Variants in KANK1 observed in about 807,000 individuals in gnomAD.
The protein encoded by KANK1 is KN motif and ankyrin repeat domain-containing protein 1.
KANK1 carries 109 observed loss-of-function variants against 106.2 expected under a neutral mutation model. The ratio of observed to expected loss-of-function variants is 1.03; its 90% CI spans 0.88 to 1.20. The LOEUF is 1.20. Ranked by LOEUF, KANK1 falls within the 50% of genes most tolerant of loss-of-function variation. KANK1 has a pLI of 0.00. For missense variants in KANK1, 2,399 were observed against 1,710.7 expected (o/e 1.40, Z -7.10); for synonymous variants, 873 against 652.2 (o/e 1.34, Z -5.16).
intron 2 of KANK1, chr9:706,773 C>G (rs907641408): frequency 1.0e-6 from 1 of 985,244 alleles, no homozygotes. Context: ...GAGTGCTGCC[C>G]GGATCCTGAG....
intron 1 of KANK1, among the ~76,000 whole-genome samples, chr9:675,578 C>G (rs1816249225): frequency 1.3e-5 from 2 of 151,696 alleles, no homozygotes; most frequent in Admixed American, 1.3e-4. Flanking sequence ...TCTCAGGTAA[C>G]TTTTAAATAG....
intron 1 of KANK1, among the ~76,000 whole-genome samples, chr9:557,730 T>C (rs1457626245): frequency 6.6e-6 from 1 of 152,116 alleles, no homozygotes; most frequent in Non-Finnish European, 1.5e-5. Flanking sequence ...GAAATCTGTT[T>C]TGTAAAAGGA....
chr9:646,508 TTGAAA>T (rs1262209322), intron 1 of KANK1, among the ~76,000 whole-genome samples: 1 of 150,802 alleles, frequency 6.6e-6, no homozygotes, highest in African/African-American at 2.5e-5. Flanking sequence ...TAATTTTCTT[TTGAAA>T]ACTTTCTGAA....
intron 2 of KANK1, among the ~76,000 whole-genome samples, chr9:678,290 ATGCACCATGG>A (rs1214820360): frequency 6.6e-6 from 1 of 152,180 alleles, no homozygotes; most frequent in Admixed American, 6.5e-5. Context: ...GAACACTTAA[ATGCACCATGG>A]TGCCTAAAAT....
At position 732,457 on chromosome 9, in the gene KANK1, G is replaced by T; in HGVS notation, c.3085G>T (p.Glu1029Ter). 6.2e-7 allele frequency: 1 copy of T among 1,614,134 alleles called. No homozygotes were observed. The highest frequency in any genetic ancestry group is 1.1e-5 in the South Asian group (1 of 91,060). ...SESDDECDVIEYPLEEEEEEE... is the reference protein window; with the variant it reads ...SESDDECDVI Reference sequence around the variant, plus strand: ...GTCAGATGACGAGTGTGATGTCATTGAGTATCCTCTTGAAGAAGAGGAGGA... The same window carrying T: ...GTCAGATGACGAGTGTGATGTCATTTAGTATCCTCTTGAAGAAGAGGAGGA... The change falls in exon 6 of 12, where the codon GAG (glutamate) becomes TAG (stop). Residue 1029 changes from glutamate to a stop codon, truncating the protein, a stop_gained. Transcript: ENST00000382297. LOFTEE classifies it high-confidence loss of function.
intron 1 of KANK1, among the ~76,000 whole-genome samples, chr9:543,961 C>T (rs555566129): frequency 7.6e-4 from 116 of 152,154 alleles, no homozygotes; most frequent in Non-Finnish European, 9.3e-4. Context: ...TATTTTCTTA[C>T]GCTATCTTTA....
At chr9:687,366 C>G (rs1563987603) in intron 2 of KANK1, among the ~76,000 whole-genome samples, 1 of 152,202 alleles carries the variant, frequency 6.6e-6, no homozygotes, top group East Asian at 1.9e-4. Context: ...AACATTTTCA[C>G]TTTCACAAAC....
chr9:647,033 T>C (rs1458565177), intron 1 of KANK1, among the ~76,000 whole-genome samples: 1 of 151,026 alleles, frequency 6.6e-6, no homozygotes, highest in African/African-American at 2.5e-5. Context: ...TCCCTTGCTA[T>C]AGGAATTTGG....
chr9:745,137 A>T, intron 11 of KANK1, 36 bp from the exon 12 acceptor site: 1 of 1,610,998 alleles, frequency 6.2e-7, no homozygotes. Flanking sequence ...GAGGTCACTT[A>T]TTAACCCCCA....
intron 11 of KANK1, chr9:744,801 G>C (rs908162076): frequency 7.6e-6 from 11 of 1,449,520 alleles, no homozygotes; most frequent in East Asian, 2.5e-5. Context: ...GCTTGTCCTT[G>C]CAAGACATAT....
In KANK1 at chr9:595,345, G is replaced by A. The variant is rs145112654; in HGVS notation, c.-83-81545G>A. On this transcript the variant is annotated intron_variant, in intron 1 of 11. Transcript: ENST00000382297. ...GTGGCTGAAAAGTGCTCTTTCTGGT[G>A]TGAATTTCTCTTGCTGTGAAAGCAC... Among the ~76,000 whole-genome samples, 94 of 151,912 alleles carry A rather than the reference G, an allele frequency of 6.2e-4. 1 individual carries two copies. Among genetic ancestry groups the A allele is most frequent in the African/African-American group, 2.1e-3 (85 of 41,192 alleles).
At chr9:520,557 C>G (rs1250787115) in intron 1 of KANK1, among the ~76,000 whole-genome samples, 2 of 151,352 alleles carry the variant, frequency 1.3e-5, no homozygotes, top group Admixed American at 6.6e-5. Context: ...GGGAGGTTAG[C>G]GAATAATTGA....
chr9:486,443 T>A (rs1205542756), intron 3 of KANK1, among the ~76,000 whole-genome samples: 1 of 152,196 alleles, frequency 6.6e-6, no homozygotes, highest in Non-Finnish European at 1.5e-5. Flanking sequence ...TATTAACTCA[T>A]TTAATCTTCA....
At position 650,553 on chromosome 9, in the gene KANK1, T is replaced by TA. The variant is rs1840664464; in HGVS notation, c.-83-26336dup. ...GCTGGACCACAGGCCATGACTTGAG[T>TA]AGCAGGTTGTCAGGAAGTGTGTGCT... On this transcript the variant is annotated intron_variant, in intron 1 of 11. Transcript: ENST00000382297. Among the ~76,000 whole-genome samples, 3 of 152,116 alleles carry TA rather than the reference T, an allele frequency of 2.0e-5. No individual in the cohort carries two copies. The South Asian group carries it at 6.2e-4, about 32-fold the overall frequency.
At chr9:718,503 T>G (rs960344533) in intron 3 of KANK1, among the ~76,000 whole-genome samples, 2 of 151,446 alleles carry the variant, frequency 1.3e-5, no homozygotes, top group Admixed American at 6.6e-5. Flanking sequence ...AGAGACAAGG[T>G]CTCCCCATGT....
chr9:634,060 A>G (rs1466002189), intron 1 of KANK1, among the ~76,000 whole-genome samples: 1 of 152,224 alleles, frequency 6.6e-6, no homozygotes, highest in Non-Finnish European at 1.5e-5. Flanking sequence ...GGGGTTAATT[A>G]ATTTGTAATT....
intron 3 of KANK1, among the ~76,000 whole-genome samples, chr9:716,224 C>T (rs745317935): frequency 3.3e-5 from 5 of 152,216 alleles, no homozygotes; most frequent in Admixed American, 6.5e-5. Context: ...CATTCTTTCT[C>T]TGTCACTAGA....
intron 3 of KANK1, among the ~76,000 whole-genome samples, chr9:724,246 A>G (rs1448801323): frequency 6.6e-6 from 1 of 152,196 alleles, no homozygotes; most frequent in East Asian, 1.9e-4. Context: ...ATATTTATGG[A>G]TGAAAATGAT....
intron 1 of KANK1, among the ~76,000 whole-genome samples, chr9:512,775 T>C (rs547951920): frequency 6.6e-6 from 1 of 152,270 alleles, no homozygotes; most frequent in South Asian, 2.1e-4. Flanking sequence ...TATGCTTGAG[T>C]TCATAAATTT....
Sources: gnomAD v4.1 joint callset for allele counts (sites outside exome capture counted in the v4.1 genomes callset) on GRCh38, gnomAD v4.1.1 for gene constraint, MANE v1.5 for transcripts, NCBI Gene and HGNC (gene_info 2026-07-23, HGNC 2026-07-21) for gene names.